Variants in CHN1 observed in about 807,000 individuals in gnomAD.
CHN1 encodes the protein N-chimaerin.
CHN1 carries 37 observed loss-of-function variants against 59.5 expected under a neutral mutation model. The observed-to-expected ratio is 0.62, with a 90% CI of 0.48 to 0.82. The LOEUF is 0.82. Among genes scored for constraint, CHN1 ranks in the 40% least tolerant of loss-of-function variants. The pLI is 0.00. For missense variants in CHN1, 469 were observed against 571.0 expected, an observed-to-expected ratio of 0.82 and a Z score of 1.82; for synonymous variants, 206 against 200.4, an observed-to-expected ratio of 1.03 and a Z score of -0.24.
intron 1 of CHN1, among the ~76,000 whole-genome samples, chr2:174,975,451 G>A (rs1227661853): frequency 2.6e-5 from 4 of 151,964 alleles, no homozygotes; most frequent in African/African-American, 9.7e-5. Flanking sequence ...GTAAGTTGCA[G>A]GCATGCAACA....
chr2:174,823,618 G>A (rs941239960), intron 8 of CHN1, among the ~76,000 whole-genome samples: 8 of 151,618 alleles, frequency 5.3e-5, no homozygotes, highest in East Asian at 1.9e-4. Flanking sequence ...AGCCGAGATC[G>A]CGCTACTGCA....
chr2:174,850,277 G>GA (rs1205042964), intron 6 of CHN1, among the ~76,000 whole-genome samples: 2 of 152,084 alleles, frequency 1.3e-5, no homozygotes, highest in Admixed American at 6.6e-5. Flanking sequence ...TACACACCTT[G>GA]AATCTAGCAT....
intron 7 of CHN1, among the ~76,000 whole-genome samples, chr2:174,830,366 A>G (rs542006317): frequency 4.6e-5 from 7 of 152,354 alleles, no homozygotes; most frequent in African/African-American, 1.7e-4. Context: ...AATACATACA[A>G]GAGTACTTAA....
intron 6 of CHN1, among the ~76,000 whole-genome samples, chr2:174,868,977 G>A (rs1687315247): frequency 6.6e-6 from 1 of 152,180 alleles, no homozygotes; most frequent in African/African-American, 2.4e-5. Flanking sequence ...GAGAGCAGGG[G>A]ATGCTCTACT....
At chr2:174,848,422 T>TAC (rs1349066431) in intron 6 of CHN1, among the ~76,000 whole-genome samples, 1 of 152,188 alleles carries the variant, frequency 6.6e-6, no homozygotes, top group Non-Finnish European at 1.5e-5. Context: ...ACTAAGGTGC[T>TAC]ACAGGATGCT....
intron 6 of CHN1, among the ~76,000 whole-genome samples, chr2:174,860,429 CAT>C (rs1687033488): frequency 6.6e-6 from 1 of 152,028 alleles, no homozygotes; most frequent in Non-Finnish European, 1.5e-5. Flanking sequence ...GGGTGCTAGA[CAT>C]ATGGCCAAAG....
intron 6 of CHN1, among the ~76,000 whole-genome samples, chr2:174,861,982 T>A (rs187220915): frequency 4.9e-4 from 74 of 152,336 alleles, no homozygotes; most frequent in Admixed American, 1.2e-3. Flanking sequence ...GAAAAGGGAA[T>A]TTAGGCAGTA....
chr2:174,900,402 G>A (rs1688349581), intron 5 of CHN1, among the ~76,000 whole-genome samples: 1 of 152,174 alleles, frequency 6.6e-6, no homozygotes, highest in Admixed American at 6.5e-5. Flanking sequence ...TACTTGGGAG[G>A]CTGAGGCAGG....
chr2:174,854,153 AGT>A (rs1163557175), intron 6 of CHN1, among the ~76,000 whole-genome samples: 6 of 152,242 alleles, frequency 3.9e-5, no homozygotes, highest in African/African-American at 1.4e-4. Flanking sequence ...TTTACAATAA[AGT>A]GTTTAAAATA....
intron 5 of CHN1, among the ~76,000 whole-genome samples, chr2:174,911,482 C>A (rs985299674): frequency 6.6e-6 from 1 of 152,160 alleles, no homozygotes; most frequent in Non-Finnish European, 1.5e-5. Flanking sequence ...CCTTGTGTGA[C>A]AAACTTTCAC....
chr2:174,852,968 T>TAA (rs1035931963), intron 6 of CHN1, among the ~76,000 whole-genome samples: 2 of 152,196 alleles, frequency 1.3e-5, no homozygotes, highest in African/African-American at 4.8e-5. Context: ...ATTAAAGATT[T>TAA]AAAGATCTCA....
chr2:174,834,686 G>A (rs1686009710), intron 7 of CHN1, among the ~76,000 whole-genome samples: 1 of 152,106 alleles, frequency 6.6e-6, no homozygotes, highest in Non-Finnish European at 1.5e-5. Context: ...AACTTTGTAA[G>A]ATGTGTGAGT....
At chr2:174,983,000 A>C (rs575045429) in intron 1 of CHN1, among the ~76,000 whole-genome samples, 1 of 152,300 alleles carries the variant, frequency 6.6e-6, no homozygotes, top group East Asian at 1.9e-4. Flanking sequence ...GAGAAAAAAG[A>C]AGACATTAAA....
chr2:174,823,256 A>G (rs1051999085), intron 8 of CHN1, among the ~76,000 whole-genome samples: 1 of 152,256 alleles, frequency 6.6e-6, no homozygotes, highest in Non-Finnish European at 1.5e-5. Flanking sequence ...ATGCTAAAAG[A>G]CATGTAAGAA....
In CHN1 at chr2:174,808,927, G is replaced by A. The variant is rs762370972; in HGVS notation, c.1080C>T (p.Tyr360=). 17 of 1,613,610 alleles carry A rather than the reference G, an allele frequency of 1.1e-5. No homozygotes were observed. The highest frequency in any genetic ancestry group is 1.4e-5 in the Non-Finnish European group (16 of 1,179,744). The change falls in exon 11 of 13, where the codon TAC becomes TAT. Residue 360 remains tyrosine, a synonymous_variant. Transcript: ENST00000409900. ...LPIPLITYDA[Y]PKFIESAKIM... ...TACTGGCAGATTCTATAAACTTAGG[G>A]TAGGCATCATATGTAATGAGTGGAA...
intron 1 of CHN1, among the ~76,000 whole-genome samples, chr2:174,978,729 T>C (rs181599507): frequency 8.3e-4 from 127 of 152,362 alleles, no homozygotes; most frequent in African/African-American, 2.8e-3. Context: ...AATATATCTT[T>C]AATAACTTTT....
chr2:174,947,474 C>G (rs1689876699), intron 2 of CHN1, among the ~76,000 whole-genome samples: 1 of 143,784 alleles, frequency 7.0e-6, no homozygotes, highest in Non-Finnish European at 1.5e-5. Context: ...CTTTAAGACT[C>G]TTTTTTTTTT....
At chr2:174,915,323 T>C (rs1324398387) in intron 4 of CHN1, 152 bp from the exon 5 acceptor site, 1 of 648,562 alleles carries the variant, frequency 1.5e-6, no homozygotes, top group Non-Finnish European at 2.7e-6. Context: ...TTAACTATGC[T>C]TGTGTTTCTC....
intron 11 of CHN1, among the ~76,000 whole-genome samples, chr2:174,802,703 C>T (rs2105371967): frequency 6.6e-6 from 1 of 152,278 alleles, no homozygotes; most frequent in South Asian, 2.1e-4. Context: ...CACCACAGTA[C>T]ATTCCTGCTT....
Sources: allele counts gnomAD v4.1 joint callset (sites outside exome capture counted in the v4.1 genomes callset), GRCh38; gene constraint gnomAD v4.1.1; transcripts MANE v1.5; gene names NCBI Gene and HGNC (gene_info 2026-07-23, HGNC 2026-07-21).